KIRREL3: variants seen among roughly 807,000 people sequenced by gnomAD.
KIRREL3 encodes the protein kin of IRRE-like protein 3.
Under a neutral mutation model 89.7 loss-of-function variants are expected in KIRREL3, and 36 were observed. That is an observed-to-expected ratio of 0.40 (90% CI 0.31 to 0.53). The LOEUF is 0.53. Ranked by LOEUF, KIRREL3 falls within the 20% of genes least tolerant of loss-of-function variation. The probability of loss-of-function intolerance (pLI) is 0.49; values close to 1 mark genes in which losing one functional copy is unlikely to be tolerated. For synonymous variants in KIRREL3, 445 were observed against 441.4 expected (o/e 1.01, Z -0.10); for missense variants, 864 against 1,056.6 (o/e 0.82, Z 2.53).
rs1011940126 is a variant in KIRREL3, at chr11:126,684,810, G to A, written c.56-121898C>T. Among the ~76,000 whole-genome samples the A allele has an allele frequency of 1.3e-5, 2 of 152,172 alleles. No homozygotes were observed. The highest frequency in any genetic ancestry group is 2.4e-5 in the African/African-American group (1 of 41,446). On this transcript the variant is annotated intron_variant, in intron 1 of 16. Transcript: ENST00000525144. This position sits in a 1 kb window ranked among gnomAD's most constrained non-coding sequence, Gnocchi z 4.2. ...AGAAAGGAAAGGTGCGGCAGGTTGC[G>A]TGTGCGGGAGGGGAGAGGTAGTGTT...
intron 1 of KIRREL3, among the ~76,000 whole-genome samples, chr11:126,603,855 C>T (rs489487): frequency 0.5 from 75,665 of 152,036 alleles, 19,126 homozygotes; most frequent in Middle Eastern, 0.62. Flanking sequence ...TCGTGTTCCC[C>T]GATACAAGGC....
rs548314667 is a variant in KIRREL3, at chr11:126,813,295, C to G, written c.55+187160G>C. Among the ~76,000 whole-genome samples, 6 of 152,264 alleles carry G rather than the reference C, an allele frequency of 3.9e-5. No homozygotes were observed. The South Asian group carries it at 6.2e-4, about 16-fold the overall frequency. On this transcript the variant is annotated intron_variant, in intron 1 of 16. Coordinates refer to ENST00000525144, the MANE Select transcript of KIRREL3 (RefSeq NM_032531.4). ...ATTAATAAGGCTTTGGGATTCACTT[C>G]AAAATCATTAAAAACATGTTCACTA...
At chr11:126,450,382 T>G (rs1591553118) in intron 7 of KIRREL3, among the ~76,000 whole-genome samples, 1 of 149,702 alleles carries the variant, frequency 6.7e-6, no homozygotes, top group Admixed American at 6.7e-5. Flanking sequence ...AGTGTGCATG[T>G]GTGAGTGTGG....
chr11:126,759,469 G>C (rs962743299), intron 1 of KIRREL3, among the ~76,000 whole-genome samples: 1 of 152,196 alleles, frequency 6.6e-6, no homozygotes, highest in African/African-American at 2.4e-5. Context: ...TAGAACCAGA[G>C]CACGTGTATA....
chr11:126,866,210 G>A (rs1436960468), intron 1 of KIRREL3, among the ~76,000 whole-genome samples: 1 of 152,192 alleles, frequency 6.6e-6, no homozygotes, highest in African/African-American at 2.4e-5. Context: ...CTGCGGAGAA[G>A]CCAAAGATTA....
chr11:126,671,098 G>T (rs1428398884), intron 1 of KIRREL3, among the ~76,000 whole-genome samples: 1 of 152,080 alleles, frequency 6.6e-6, no homozygotes, highest in Non-Finnish European at 1.5e-5. Flanking sequence ...ACAGAGACTA[G>T]ACACAGATCT....
At chr11:126,592,902 G>A (rs1358120957) in intron 1 of KIRREL3, among the ~76,000 whole-genome samples, 2 of 152,164 alleles carry the variant, frequency 1.3e-5, no homozygotes, top group Non-Finnish European at 2.9e-5. Context: ...GCTGCCGCTG[G>A]GAGCAGAGGG....
At chr11:126,957,553 G>A (rs1247882530) in intron 1 of KIRREL3, among the ~76,000 whole-genome samples, 2 of 152,230 alleles carry the variant, frequency 1.3e-5, no homozygotes, top group Non-Finnish European at 2.9e-5. Context: ...CTCTAGCACT[G>A]CCAGCTCTGC....
Position 126,431,026 on chromosome 11 carries a change from G to A in KIRREL3, c.1696+393C>T. 8.4e-7 allele frequency: 1 copy of A among 1,191,576 alleles called. No homozygotes were observed. The highest frequency in any genetic ancestry group is 1.0e-6 in the Non-Finnish European group (1 of 960,990). 73.8% of individuals were successfully genotyped at this position (1,191,576 alleles called of 1,614,324 possible). On this transcript the variant is annotated intron_variant, in intron 14 of 16. Coordinates refer to ENST00000525144, the MANE Select transcript of KIRREL3 (RefSeq NM_032531.4). This position sits in a 1 kb window ranked among gnomAD's most constrained non-coding sequence, Gnocchi z 7.1. ...GTGACCTGCTTTTCTGGTGAGACTA[G>A]CAGCTCTTTATTTTTATTTTGTTGT...
rs541013593 is a variant in KIRREL3, at chr11:126,666,662, C to T, written c.56-103750G>A. The stretch of plus-strand genomic sequence containing the variant: ...ACCAACTTGGCTTATTTTTTTACTG[C>T]ATGATATGAACACTTAGGGTTAAAC... On this transcript the variant is annotated intron_variant, in intron 1 of 16. Transcript: ENST00000525144. This position sits in a 1 kb window ranked among gnomAD's most constrained non-coding sequence, Gnocchi z 4.2. Among the ~76,000 whole-genome samples, 11 of 152,294 alleles carry T rather than the reference C, an allele frequency of 7.2e-5. No homozygotes were observed. Among genetic ancestry groups the T allele is most frequent in the African/African-American group, 2.6e-4 (11 of 41,570 alleles).
chr11:126,825,384 T>C (rs1943370944), intron 1 of KIRREL3, among the ~76,000 whole-genome samples: 1 of 152,216 alleles, frequency 6.6e-6, no homozygotes, highest in African/African-American at 2.4e-5. Flanking sequence ...GAAATACAAT[T>C]ATAAAAATAT....
chr11:126,534,612 AG>A (rs1937693568), intron 2 of KIRREL3, among the ~76,000 whole-genome samples: 1 of 152,138 alleles, frequency 6.6e-6, no homozygotes, highest in Admixed American at 6.5e-5. Context: ...CTGCACACCC[AG>A]GCTGTTGTGA....
Position 126,472,296 on chromosome 11 carries a change from C to A in KIRREL3, c.591+1013G>T, listed in dbSNP as rs571950490. 1.2e-4 allele frequency among the ~76,000 whole-genome samples: 18 copies of A among 152,314 alleles called. No individual in the cohort carries two copies. In the South Asian group the frequency reaches 3.7e-3, roughly 32 times the overall value. On this transcript the variant is annotated intron_variant, in intron 5 of 16. Coordinates refer to ENST00000525144, the MANE Select transcript of KIRREL3 (RefSeq NM_032531.4). ...TATAAACTGGGCGGCTTATAAACCA[C>A]AGACATTTATTTCTCACTGTTCTGG...
At position 126,668,741 on chromosome 11, in the gene KIRREL3, C is replaced by CTTTCTTTCTT. The variant is rs1555172363; in HGVS notation, c.56-105839_56-105830dup. On this transcript the variant is annotated intron_variant, in intron 1 of 16. Coordinates refer to ENST00000525144, the MANE Select transcript of KIRREL3 (RefSeq NM_032531.4). This position sits in a 1 kb window ranked among gnomAD's most constrained non-coding sequence, Gnocchi z 4.4. ...TCTTTCTTTCTTTCTTTCTTTCTTT[C>CTTTCTTTCTT]TTTCTTTCTTTCTTTTTTCTCTTTC... 0.083 allele frequency among the ~76,000 whole-genome samples: 10,921 copies of CTTTCTTTCTT among 130,838 alleles called. 591 individuals are homozygous for CTTTCTTTCTT. Among genetic ancestry groups the CTTTCTTTCTT allele is most frequent in the East Asian group, 0.13 (556 of 4,430 alleles). 85.8% of individuals were successfully genotyped at this position (130,838 alleles called of 152,430 possible).
rs645220 is a variant in KIRREL3 at position 126,579,031 on chromosome 11, C to A, written c.56-16119G>T. 1.3e-5 allele frequency among the ~76,000 whole-genome samples: 2 copies of A among 151,876 alleles called. No homozygotes were observed. Among genetic ancestry groups the A allele is most frequent in the South Asian group, 2.1e-4 (1 of 4,802 alleles). On this transcript the variant is annotated intron_variant, in intron 1 of 16. Transcript: ENST00000525144. The surrounding 1 kb of genome is among the most constrained non-coding windows in gnomAD (Gnocchi z 5.3). ...GCCACACAGCAACAGAACCAGACCT[C>A]GATCAAACCCAAAGCCCGTGCTCTG...
intron 1 of KIRREL3, among the ~76,000 whole-genome samples, chr11:126,662,547 G>A (rs1014791560): frequency 6.6e-6 from 1 of 152,200 alleles, no homozygotes; most frequent in Non-Finnish European, 1.5e-5. Context: ...GAAGGTGGAA[G>A]GCAAGCTAGA....
intron 1 of KIRREL3, among the ~76,000 whole-genome samples, chr11:126,599,900 C>T (rs918968711): frequency 6.6e-6 from 1 of 152,176 alleles, no homozygotes; most frequent in Middle Eastern, 3.2e-3. Context: ...GGGCAGCTTG[C>T]CAATTACTCC....
At chr11:126,440,417 C>G (rs781671293) in intron 11 of KIRREL3, 32 bp downstream of exon 11, 23 of 1,543,526 alleles carry the variant, frequency 1.5e-5, no homozygotes, top group African/African-American at 2.7e-5. Flanking sequence ...GCTGCTGGCC[C>G]GGCCCCCGCC....
Position 126,636,513 on chromosome 11 carries a change from G to A in KIRREL3, c.56-73601C>T, listed in dbSNP as rs522306. Among the ~76,000 whole-genome samples, 29,295 of 152,142 alleles carry A rather than the reference G, an allele frequency of 0.19. 3,605 individuals are homozygous for A. Among genetic ancestry groups the A allele is most frequent in the Non-Finnish European group, 0.27 (18,578 of 67,982 alleles). ...CTGGATATGTGGCAGCTCTGCCTTCGTGTTGGGCTCACATTACAGACATTT... is the reference window on the plus strand; with the variant it reads ...CTGGATATGTGGCAGCTCTGCCTTCATGTTGGGCTCACATTACAGACATTT... On this transcript the variant is annotated intron_variant, in intron 1 of 16. Transcript: ENST00000525144. The surrounding 1 kb of genome is among the most constrained non-coding windows in gnomAD (Gnocchi z 4.4).
Sources: gnomAD v4.1 joint callset for allele counts (sites outside exome capture counted in the v4.1 genomes callset) on GRCh38, gnomAD v4.1.1 for gene constraint, Gnocchi (gnomAD v3.1) non-coding constraint, MANE v1.5 for transcripts, NCBI Gene and HGNC (gene_info 2026-07-23, HGNC 2026-07-21) for gene names.